The following LUZP2 variants were observed in gnomAD, a reference collection of about 807,000 sequenced individuals.
LUZP2 encodes the protein leucine zipper protein 2.
A neutral mutation model predicts 51.6 loss-of-function variants in LUZP2; 52 were observed. That is an observed-to-expected ratio of 1.01 (90% CI 0.81 to 1.27). The LOEUF is 1.27. LUZP2 is among the 50% of genes most tolerant of loss of function. LUZP2 has a pLI of 0.00. For synonymous variants in LUZP2, 154 were observed against 137.3 expected, an observed-to-expected ratio of 1.12 and a Z score of -0.85; for missense variants, 436 against 395.4, an observed-to-expected ratio of 1.10 and a Z score of -0.87.
At chr11:25,012,444 G>A (rs1857013496) in intron 9 of LUZP2, among the ~76,000 whole-genome samples, 1 of 152,146 alleles carries the variant, frequency 6.6e-6, no homozygotes, top group Non-Finnish European at 1.5e-5. Context: ...TTTAGAACTA[G>A]AAAGGTGTTC....
At chr11:24,785,066 C>A (rs1023551733) in intron 5 of LUZP2, among the ~76,000 whole-genome samples, 1 of 151,964 alleles carries the variant, frequency 6.6e-6, no homozygotes, top group African/African-American at 2.4e-5. Flanking sequence ...CTCACACATA[C>A]CTTCTTCCCT....
At chr11:24,689,706 T>A (rs1234922094) in intron 1 of LUZP2, among the ~76,000 whole-genome samples, 1 of 152,186 alleles carries the variant, frequency 6.6e-6, no homozygotes, top group Non-Finnish European at 1.5e-5. Context: ...TTATTTTTAA[T>A]TTCCCCCATG....
intron 4 of LUZP2, among the ~76,000 whole-genome samples, chr11:24,754,449 G>C (rs1859700705): frequency 6.6e-6 from 1 of 152,156 alleles, no homozygotes; most frequent in Non-Finnish European, 1.5e-5. Context: ...AGGAGAAGTT[G>C]AGACAACAAA....
chr11:25,017,938 G>A (rs1411008664), intron 9 of LUZP2, among the ~76,000 whole-genome samples: 1 of 151,950 alleles, frequency 6.6e-6, no homozygotes, highest in Non-Finnish European at 1.5e-5. Context: ...ATTTGCTTGT[G>A]TCATCTATAA....
intron 5 of LUZP2, among the ~76,000 whole-genome samples, chr11:24,852,663 T>G (rs1464396927): frequency 6.6e-6 from 1 of 152,048 alleles, no homozygotes; most frequent in Non-Finnish European, 1.5e-5. Context: ...GTATCTTTGT[T>G]AATTTTCTGT....
intron 7 of LUZP2, among the ~76,000 whole-genome samples, chr11:24,956,277 T>G (rs936879406): frequency 2.0e-4 from 30 of 152,026 alleles, no homozygotes; most frequent in African/African-American, 7.0e-4. Flanking sequence ...AGGCAGCCAC[T>G]GTAAGCTGGG....
At chr11:24,840,810 C>G (rs1041518038) in intron 5 of LUZP2, among the ~76,000 whole-genome samples, 1 of 151,930 alleles carries the variant, frequency 6.6e-6, no homozygotes, top group Admixed American at 6.6e-5. Flanking sequence ...ATTTGATGTT[C>G]TTTTAATGCA....
intron 1 of LUZP2, among the ~76,000 whole-genome samples, chr11:24,558,199 C>T (rs759291582): frequency 1.3e-5 from 2 of 152,006 alleles, no homozygotes; most frequent in Non-Finnish European, 2.9e-5. Context: ...CCCCAGGATT[C>T]TAGGGATTTC....
chr11:24,546,423 A>G (rs1353701614), intron 1 of LUZP2, among the ~76,000 whole-genome samples: 1 of 152,102 alleles, frequency 6.6e-6, no homozygotes, highest in Non-Finnish European at 1.5e-5. Flanking sequence ...TGGGTTTGCC[A>G]TAAATGGCTC....
chr11:24,664,618 G>A (rs1455004286), intron 1 of LUZP2, among the ~76,000 whole-genome samples: 1 of 152,174 alleles, frequency 6.6e-6, no homozygotes, highest in Non-Finnish European at 1.5e-5. Flanking sequence ...GCTCTGCGCA[G>A]CCTCTGGACA....
chr11:24,544,231 G>C (rs1247956266), intron 1 of LUZP2, among the ~76,000 whole-genome samples: 1 of 152,058 alleles, frequency 6.6e-6, no homozygotes, highest in Non-Finnish European at 1.5e-5. Flanking sequence ...CGGAGGTCCA[G>C]TTTGCGTCAT....
At chr11:24,581,996 G>A (rs959006757) in intron 1 of LUZP2, among the ~76,000 whole-genome samples, 2 of 151,858 alleles carry the variant, frequency 1.3e-5, no homozygotes, top group African/African-American at 2.4e-5. Flanking sequence ...TCTAAACCAC[G>A]CTGGACATGC....
intron 9 of LUZP2, among the ~76,000 whole-genome samples, chr11:25,043,184 T>C (rs1282440533): frequency 6.6e-6 from 1 of 152,210 alleles, no homozygotes; most frequent in South Asian, 2.1e-4. Context: ...CCACTCACTC[T>C]GATTTTTCTG....
At chr11:25,005,247 A>C (rs189903680) in intron 9 of LUZP2, among the ~76,000 whole-genome samples, 270 of 152,224 alleles carry the variant, frequency 1.8e-3, no homozygotes, top group African/African-American at 6.0e-3. Flanking sequence ...AGGGGGAGCT[A>C]TAGGGAGGCT....
chr11:24,928,278 T>G (rs1166649540), intron 7 of LUZP2, among the ~76,000 whole-genome samples: 2 of 152,066 alleles, frequency 1.3e-5, no homozygotes, highest in African/African-American at 4.8e-5. Context: ...CTATGTTCAG[T>G]AGAAATGGGG....
At chr11:24,933,062 A>G (rs575222533) in intron 7 of LUZP2, among the ~76,000 whole-genome samples, 9 of 152,256 alleles carry the variant, frequency 5.9e-5, no homozygotes, top group African/African-American at 1.7e-4. Flanking sequence ...GATAAGGTCA[A>G]ATCATTCTCC....
chr11:24,891,410 A>T, intron 5 of LUZP2: 1 of 959,636 alleles, frequency 1.0e-6, no homozygotes, highest in South Asian at 4.8e-5. Flanking sequence ...TCATTATATC[A>T]TTATGAAATT....
At chr11:24,637,582 T>G (rs1336276666) in intron 1 of LUZP2, among the ~76,000 whole-genome samples, 1 of 151,684 alleles carries the variant, frequency 6.6e-6, no homozygotes, top group Non-Finnish European at 1.5e-5. Flanking sequence ...GGAATAACCC[T>G]GGGGAAGGAA....
At chr11:24,926,555 ATG>A (rs1356931840) in intron 7 of LUZP2, among the ~76,000 whole-genome samples, 13 of 143,806 alleles carry the variant, frequency 9.0e-5, no homozygotes, top group South Asian at 4.7e-4. Flanking sequence ...GTGTATATAT[ATG>A]TGTGTGTATA....
Sources: gnomAD v4.1 joint callset for allele counts (sites outside exome capture counted in the v4.1 genomes callset) on GRCh38, gnomAD v4.1.1 for gene constraint, MANE v1.5 for transcripts, NCBI Gene and HGNC (gene_info 2026-07-23, HGNC 2026-07-21) for gene names.